The following QTMAN variants were observed in gnomAD, a reference collection of about 807,000 sequenced individuals.
QTMAN encodes the protein queuosine-tRNA mannosyltransferase, also known as tRNA-queuosine alpha-mannosyltransferase.
At chr2:144,314,768 G>C in the QTMAN span, among the ~76,000 whole-genome samples, 3 of 152,088 alleles carry the variant, frequency 2.0e-5, no homozygotes, top group African/African-American at 4.8e-5. Context: ...ATGATAAACT[G>C]TTCTATTTTT....
At chr2:144,173,218 C>A in the QTMAN span, among the ~76,000 whole-genome samples, 12 of 152,204 alleles carry the variant, frequency 7.9e-5, no homozygotes, top group South Asian at 2.1e-4. Context: ...AAAAAAGAAA[C>A]CCTAAGGTAG....
the QTMAN span, among the ~76,000 whole-genome samples, chr2:144,164,548 T>A: frequency 1.8e-4 from 28 of 152,330 alleles, 1 homozygote; most frequent in East Asian, 3.9e-3. Context: ...ATGTTACTTA[T>A]CAAAATTATT....
At chr2:144,086,188 C>T in the QTMAN span, among the ~76,000 whole-genome samples, 2 of 152,170 alleles carry the variant, frequency 1.3e-5, no homozygotes, top group African/African-American at 4.8e-5. Flanking sequence ...GCTTCTCCTG[C>T]CACTGGCTAA....
the QTMAN span, chr2:144,145,480 T>C: frequency 4.1e-5 from 33 of 805,972 alleles, no homozygotes; most frequent in Non-Finnish European, 5.4e-5. Flanking sequence ...TAAAAAAAGG[T>C]GTACAATAGT....
chr2:144,223,392 C>T, the QTMAN span, among the ~76,000 whole-genome samples: 3 of 152,012 alleles, frequency 2.0e-5, no homozygotes, highest in East Asian at 5.8e-4. Flanking sequence ...AAAATAAGCA[C>T]AAACTTGATA....
chr2:144,250,751 GAAA>G, the QTMAN span, among the ~76,000 whole-genome samples: 2 of 67,070 alleles, frequency 3.0e-5, no homozygotes, highest in Non-Finnish European at 6.9e-5. Context: ...CTTTAAGGCC[GAAA>G]AAAAAAAAAA....
the QTMAN span, among the ~76,000 whole-genome samples, chr2:143,988,037 C>T: frequency 2.0e-5 from 3 of 152,152 alleles, no homozygotes; most frequent in African/African-American, 7.2e-5. Context: ...TGTATCTTTT[C>T]CTCTAGAACC....
At chr2:144,309,620 A>G in the QTMAN span, among the ~76,000 whole-genome samples, 1 of 152,220 alleles carries the variant, frequency 6.6e-6, no homozygotes, top group Non-Finnish European at 1.5e-5. Context: ...AGTGACTACA[A>G]ACAGACACAA....
chr2:144,065,955 G>C, the QTMAN span, among the ~76,000 whole-genome samples: 4 of 152,082 alleles, frequency 2.6e-5, no homozygotes, highest in Non-Finnish European at 5.9e-5. Context: ...GTGGCCATGA[G>C]AGCAGGGTGT....
At chr2:144,288,711 G>C in the QTMAN span, among the ~76,000 whole-genome samples, 1 of 152,100 alleles carries the variant, frequency 6.6e-6, no homozygotes, top group Non-Finnish European at 1.5e-5. Flanking sequence ...AATATCCCTG[G>C]AATTGTCTAC....
the QTMAN span, chr2:144,145,644 T>C: frequency 6.2e-7 from 1 of 1,611,250 alleles, no homozygotes; most frequent in Non-Finnish European, 8.5e-7. Flanking sequence ...TATCAACTGG[T>C]TCTCGTGAAA....
chr2:144,073,775 C>A, the QTMAN span, among the ~76,000 whole-genome samples: 1 of 152,162 alleles, frequency 6.6e-6, no homozygotes, highest in Admixed American at 6.5e-5. Context: ...GAATCATATC[C>A]CCCAACTCCC....
the QTMAN span, among the ~76,000 whole-genome samples, chr2:144,329,472 C>T: frequency 6.6e-5 from 10 of 152,150 alleles, no homozygotes; most frequent in Non-Finnish European, 1.5e-4. Context: ...TGCTGAAAAA[C>T]ATATCCTTAT....
the QTMAN span, among the ~76,000 whole-genome samples, chr2:144,058,251 A>C: frequency 6.6e-6 from 1 of 151,200 alleles, no homozygotes; most frequent in Non-Finnish European, 1.5e-5. Context: ...TTGAACTCTG[A>C]TGTTCCACAA....
chr2:144,031,566 T>C, the QTMAN span, among the ~76,000 whole-genome samples: 1 of 152,000 alleles, frequency 6.6e-6, no homozygotes, highest in African/African-American at 2.4e-5. Context: ...CCTGAAGCCA[T>C]GGAGGATAAA....
At chr2:144,029,145 T>C in the QTMAN span, among the ~76,000 whole-genome samples, 1 of 152,194 alleles carries the variant, frequency 6.6e-6, no homozygotes, top group Non-Finnish European at 1.5e-5. Context: ...GTTGAAACGT[T>C]GTATGGCTAA....
At chr2:144,049,555 C>A in the QTMAN span, among the ~76,000 whole-genome samples, 1 of 151,910 alleles carries the variant, frequency 6.6e-6, no homozygotes, top group African/African-American at 2.4e-5. Flanking sequence ...CTAATAGAAC[C>A]CTAACCTTTA....
chr2:144,301,308 C>T, the QTMAN span, among the ~76,000 whole-genome samples: 1 of 152,114 alleles, frequency 6.6e-6, no homozygotes. Context: ...CTGCAACCTC[C>T]GCTTCCCAGA....
At chr2:143,977,577 G>C in the QTMAN span, among the ~76,000 whole-genome samples, 1 of 152,124 alleles carries the variant, frequency 6.6e-6, no homozygotes, top group African/African-American at 2.4e-5. Context: ...CATAAAAGCG[G>C]AAGTGTGGCT....
Sources: gnomAD v4.1 joint callset for allele counts (sites outside exome capture counted in the v4.1 genomes callset) on GRCh38, gnomAD v4.1.1 for gene constraint, MANE v1.5 for transcripts, NCBI Gene and HGNC (gene_info 2026-07-23, HGNC 2026-07-21) for gene names.